The following ZNF521 variants were observed in gnomAD, a reference collection of about 807,000 sequenced individuals.
ZNF521 encodes zinc finger protein 521.
ZNF521 carries 14 observed loss-of-function variants against 105.5 expected under a neutral mutation model. That is an observed-to-expected ratio of 0.13 (90% CI 0.09 to 0.21). ZNF521 has a LOEUF of 0.21. Among genes scored for constraint, ZNF521 ranks in the 10% least tolerant of loss-of-function variants. The pLI is 1.00. For synonymous variants in ZNF521, 635 were observed against 606.0 expected (o/e 1.05, Z -0.70); for missense variants, 1,233 against 1,629.7 (o/e 0.76, Z 4.19).
intron 7 of ZNF521, among the ~76,000 whole-genome samples, chr18:25,085,827 C>T (rs1188316520): frequency 6.6e-6 from 1 of 151,768 alleles, no homozygotes; most frequent in Non-Finnish European, 1.5e-5. Context: ...TGGGCATAAA[C>T]CAAAAGAAAT....
At chr18:25,154,172 G>A (rs1416531860) in intron 5 of ZNF521, among the ~76,000 whole-genome samples, 1 of 152,092 alleles carries the variant, frequency 6.6e-6, no homozygotes, top group African/African-American at 2.4e-5. Flanking sequence ...AGCTATTTGG[G>A]GAAAAAAGTC....
chr18:25,247,255 C>G (rs1001374469), intron 3 of ZNF521, among the ~76,000 whole-genome samples: 1 of 152,180 alleles, frequency 6.6e-6, no homozygotes, highest in Non-Finnish European at 1.5e-5. Context: ...GACCCCTCTA[C>G]AGAAATGTTG....
intron 2 of ZNF521, among the ~76,000 whole-genome samples, chr18:25,322,578 ACT>A (rs1913000849): frequency 6.6e-6 from 1 of 150,900 alleles, no homozygotes; most frequent in Non-Finnish European, 1.5e-5. Flanking sequence ...TTAAGAATGA[ACT>A]CTTTTTCTGC....
intron 4 of ZNF521, among the ~76,000 whole-genome samples, chr18:25,223,224 G>A (rs13381314): frequency 3.3e-4 from 51 of 152,336 alleles, no homozygotes; most frequent in African/African-American, 1.1e-3. Context: ...GTATTTAAAT[G>A]AGAGAAAAGT....
At chr18:25,311,649 G>A (rs991997365) in intron 3 of ZNF521, among the ~76,000 whole-genome samples, 2 of 152,004 alleles carry the variant, frequency 1.3e-5, no homozygotes, top group African/African-American at 4.8e-5. Flanking sequence ...TTCTCCACAC[G>A]GACAAACTGA....
At chr18:25,236,379 A>C (rs1467909450) in intron 3 of ZNF521, among the ~76,000 whole-genome samples, 1 of 152,110 alleles carries the variant, frequency 6.6e-6, no homozygotes, top group Non-Finnish European at 1.5e-5. Context: ...CTACTAAAAT[A>C]CAAAAAATTA....
chr18:25,226,137 T>C lies in ZNF521; in HGVS notation c.1781A>G (p.Tyr594Cys). 1 of 1,614,184 alleles carries C rather than the reference T, an allele frequency of 6.2e-7. No homozygotes were observed. The highest frequency in any genetic ancestry group is 1.1e-5 in the South Asian group (1 of 91,092). The change falls in exon 4 of 8, where the codon TAT becomes TGT. Residue 594 changes from tyrosine (Y) to cysteine (C), a missense_variant. This residue lies in a region of ZNF521 where 614 missense variants were observed against 751.5 expected (regional missense o/e 0.82). Coordinates refer to ENST00000361524, the MANE Select transcript of ZNF521 (RefSeq NM_015461.3). This position sits in a 1 kb window ranked among gnomAD's most constrained non-coding sequence, Gnocchi z 4.1. ...CCTGGATTTCTTCCCATTGTGGATATAATTCAGGGCCAAGGGAATGTTTTT... is the reference window on the plus strand; with the variant it reads ...CCTGGATTTCTTCCCATTGTGGATACAATTCAGGGCCAAGGGAATGTTTTT... ...NHKNIPLALN[Y>C]IHNGKKSRAL...
At chr18:25,314,775 T>C (rs893047312) in intron 3 of ZNF521, among the ~76,000 whole-genome samples, 16 of 152,224 alleles carry the variant, frequency 1.1e-4, no homozygotes, top group Admixed American at 3.3e-4. Flanking sequence ...ACATTAATGA[T>C]GTGAAAGAAC....
At chr18:25,108,919 C>T (rs188701399) in intron 5 of ZNF521, among the ~76,000 whole-genome samples, 1 of 152,124 alleles carries the variant, frequency 6.6e-6, no homozygotes, top group African/African-American at 2.4e-5. Flanking sequence ...GCCACTGCAC[C>T]TGGCTAGATT....
At chr18:25,108,444 T>A (rs2034117349) in intron 5 of ZNF521, among the ~76,000 whole-genome samples, 1 of 152,162 alleles carries the variant, frequency 6.6e-6, no homozygotes, top group Non-Finnish European at 1.5e-5. Flanking sequence ...GTCTTATCTT[T>A]TTACTGCTTT....
intron 5 of ZNF521, among the ~76,000 whole-genome samples, chr18:25,142,922 T>C (rs149908772): frequency 1.4e-4 from 21 of 152,298 alleles, no homozygotes; most frequent in Middle Eastern, 3.4e-3. Flanking sequence ...TAATGAACTA[T>C]TCTAACAGGT....
chr18:25,153,684 G>T (rs971766845), intron 5 of ZNF521, among the ~76,000 whole-genome samples: 3 of 152,222 alleles, frequency 2.0e-5, no homozygotes, highest in African/African-American at 2.4e-5. Context: ...AACATTTGAT[G>T]CATTTTAAAA....
At chr18:25,074,992 C>A (rs1393250918) in intron 7 of ZNF521, among the ~76,000 whole-genome samples, 2 of 152,120 alleles carry the variant, frequency 1.3e-5, no homozygotes, top group Non-Finnish European at 2.9e-5. Flanking sequence ...TTAAAAAAAT[C>A]TCTTTAAAGT....
At chr18:25,109,493 T>C (rs917653840) in intron 5 of ZNF521, among the ~76,000 whole-genome samples, 2 of 152,152 alleles carry the variant, frequency 1.3e-5, no homozygotes, top group Non-Finnish European at 2.9e-5. Context: ...GGTGGAATGG[T>C]AGTTTTATTT....
At chr18:25,215,611 A>T (rs186224407) in intron 4 of ZNF521, among the ~76,000 whole-genome samples, 1 of 152,330 alleles carries the variant, frequency 6.6e-6, no homozygotes, top group African/African-American at 2.4e-5. Context: ...GCAATCAGCA[A>T]TTTGAAATAC....
chr18:25,150,613 AG>A (rs1221002903), intron 5 of ZNF521, among the ~76,000 whole-genome samples: 3 of 152,186 alleles, frequency 2.0e-5, no homozygotes, highest in Non-Finnish European at 4.4e-5. Flanking sequence ...AGGACTTTAT[AG>A]TAGAATAAGG....
At chr18:25,178,495 T>C (rs935324468) in intron 5 of ZNF521, among the ~76,000 whole-genome samples, 7 of 152,214 alleles carry the variant, frequency 4.6e-5, no homozygotes, top group African/African-American at 1.2e-4. Context: ...ATTAGTATTA[T>C]GGAAAGCCAT....
intron 5 of ZNF521, among the ~76,000 whole-genome samples, chr18:25,101,380 A>G (rs2033963300): frequency 6.6e-6 from 1 of 152,148 alleles, no homozygotes; most frequent in Admixed American, 6.5e-5. Flanking sequence ...ACAGCTGTAC[A>G]GCTGATCATT....
At chr18:25,208,283 C>T (rs1315669734) in intron 4 of ZNF521, among the ~76,000 whole-genome samples, 12 of 152,146 alleles carry the variant, frequency 7.9e-5, no homozygotes, top group Non-Finnish European at 1.6e-4. Context: ...TTGTGCCCAA[C>T]GTCTATGAAC....
Sources: gnomAD v4.1 joint callset for allele counts (sites outside exome capture counted in the v4.1 genomes callset) on GRCh38, gnomAD v4.1.1 for gene constraint, gnomAD v4.1.1 regional missense constraint, Gnocchi (gnomAD v3.1) non-coding constraint, MANE v1.5 for transcripts, NCBI Gene and HGNC (gene_info 2026-07-23, HGNC 2026-07-21) for gene names.